The following CLCN7 variants were observed in gnomAD, a reference collection of about 807,000 sequenced individuals.
The protein encoded by CLCN7 is H(+)/Cl(-) exchange transporter 7.
A neutral mutation model predicts 102.1 loss-of-function variants in CLCN7; 60 were observed. The ratio of observed to expected loss-of-function variants is 0.59; its 90% CI spans 0.48 to 0.73. The LOEUF is 0.73. Ranked by LOEUF, CLCN7 falls within the 30% of genes least tolerant of loss-of-function variation. The probability of loss-of-function intolerance (pLI) is 0.00; values close to 1 mark genes in which losing one functional copy is unlikely to be tolerated. For synonymous variants in CLCN7, 560 were observed against 490.5 expected (o/e 1.14, Z -1.87); for missense variants, 962 against 1,125.7 (o/e 0.85, Z 2.08).
Position 1,460,800 on chromosome 16 carries a change from G to A in CLCN7, c.484+16C>T, listed in dbSNP as rs377358040. The A allele has an allele frequency of 3.8e-5, 62 of 1,613,880 alleles. No individual in the cohort carries two copies. The highest frequency in any genetic ancestry group is 3.5e-4 in the South Asian group (32 of 91,082). ...GCCCCCCTCCCAAGCTGCAGCGGCC[G>A]CACTGGGAAGGATACTGCCCTTGAT... is the stretch of plus-strand genomic sequence containing the variant. On this transcript the variant is annotated intron_variant, in intron 5 of 24. Coordinates refer to ENST00000382745, the MANE Select transcript of CLCN7 (RefSeq NM_001287.6).
intron 2 of CLCN7, among the ~76,000 whole-genome samples, chr16:1,463,257 A>T (rs1734949214): frequency 6.6e-6 from 1 of 152,238 alleles, no homozygotes; most frequent in African/African-American, 2.4e-5. Context: ...GTCAGTCGTC[A>T]TACTCTTGGG....
chr16:1,448,539 T>G lies in CLCN7; in HGVS notation c.1884-55A>C, dbSNP rs544747130. The G allele has an allele frequency of 2.5e-6, 4 of 1,603,406 alleles. No individual in the cohort carries two copies. In the African/African-American group the frequency reaches 4.0e-5, roughly 16 times the overall value. ...GTCACACGCCACCAACTCCCACAGT[T>G]ACCTCTGCGGGCTGGTGAGGTGTGA... On this transcript the variant is annotated intron_variant, in intron 20 of 24. Coordinates refer to ENST00000382745, the MANE Select transcript of CLCN7 (RefSeq NM_001287.6).
chr16:1,465,135 C>A, intron 2 of CLCN7, 132 bp downstream of exon 2: 1 of 787,526 alleles, frequency 1.3e-6, no homozygotes, highest in Non-Finnish European at 2.2e-6. Context: ...CATGTCCCCC[C>A]AAGGAAATCT....
chr16:1,474,247 T>C (rs909876174), intron 1 of CLCN7: 7 of 455,408 alleles, frequency 1.5e-5, no homozygotes, highest in African/African-American at 1.4e-4. Context: ...ACATTGCAAA[T>C]TCAACTCGGT....
At chr16:1,451,011 A>G (rs116841501) in intron 16 of CLCN7, among the ~76,000 whole-genome samples, 6,959 of 152,304 alleles carry the variant, frequency 0.046, 225 homozygotes, top group Middle Eastern at 0.19. Flanking sequence ...GGCTCCGGGA[A>G]GAGGGTGCCC....
chr16:1,458,042 C>T (rs1346324622), intron 7 of CLCN7, among the ~76,000 whole-genome samples: 2 of 132,098 alleles, frequency 1.5e-5, no homozygotes, highest in East Asian at 2.1e-4. Context: ...AGCTGGGCCG[C>T]CCACCGCATC....
rs748553467 is a variant in CLCN7, at chr16:1,456,147, C to A, written c.882G>T (p.Ala294=). 3 of 1,564,454 alleles carry A rather than the reference C, an allele frequency of 1.9e-6. No individual in the cohort carries two copies. Among genetic ancestry groups the A allele is most frequent in the Non-Finnish European group, 1.7e-6 (2 of 1,154,140 alleles). The part of the protein sequence containing the change: ...EKRDFVSAGA[A]AGVSAAFGAP... Reference sequence around the variant, plus strand: ...CTCCAAACGCCGCTGACACTCCGGCCGCAGCCCCTGCGGAGACGAAGTCCC... The same window carrying A: ...CTCCAAACGCCGCTGACACTCCGGCAGCAGCCCCTGCGGAGACGAAGTCCC... Residue 294 remains alanine (A), a synonymous_variant, in exon 10 of 25, where the codon GCG becomes GCT. Coordinates refer to ENST00000382745, the MANE Select transcript of CLCN7 (RefSeq NM_001287.6).
At position 1,445,415 on chromosome 16, in the gene CLCN7, G is replaced by A. The variant is rs1215982007; in HGVS notation, c.*1216C>T. 1 of 152,308 alleles carries A rather than the reference G, an allele frequency of 6.6e-6. No individual in the cohort carries two copies. The highest frequency in any genetic ancestry group is 1.5e-5 in the Non-Finnish European group (1 of 68,088). The allele number at this position is 152,308 out of a possible 1,614,324, so 9.4% of individuals were successfully genotyped here. A position where few individuals can be genotyped will look rare whatever the true frequency, so the allele number is the denominator to read the frequency against. ...CTTGGGGCCCTGTGAGGGCTAAGCAGGGTGGTGGCGTCAGCTCCCGGGGAG... is the reference window on the plus strand; with the variant it reads ...CTTGGGGCCCTGTGAGGGCTAAGCAAGGTGGTGGCGTCAGCTCCCGGGGAG... On this transcript the variant is annotated 3_prime_UTR_variant, in exon 25 of 25. Transcript: ENST00000382745.
rs2038636194 is a variant in CLCN7 at position 1,446,169 on chromosome 16, C to G, written c.*462G>C. 1.7e-6 allele frequency: 1 copy of G among 605,836 alleles called. No individual in the cohort carries two copies. Among genetic ancestry groups the G allele is most frequent in the East Asian group, 2.7e-5 (1 of 36,540 alleles). 37.5% of individuals were successfully genotyped at this position (605,836 alleles called of 1,614,324 possible). A position where few individuals can be genotyped will look rare whatever the true frequency, so the allele number is the denominator to read the frequency against. On this transcript the variant is annotated 3_prime_UTR_variant, in exon 25 of 25. Transcript: ENST00000382745. Reference sequence around the variant, plus strand: ...CGTCTGCTCATGGCTGAAAATGAGGCCAAGCAGCTCCCAAGTCTCGAAGAC... The same window carrying G: ...CGTCTGCTCATGGCTGAAAATGAGGGCAAGCAGCTCCCAAGTCTCGAAGAC...
At chr16:1,468,733 C>G (rs1335636655) in intron 1 of CLCN7, among the ~76,000 whole-genome samples, 1 of 129,960 alleles carries the variant, frequency 7.7e-6, no homozygotes, top group Non-Finnish European at 1.7e-5. Flanking sequence ...TAGCCTGCAC[C>G]CCCTTCCTGG....
intron 1 of CLCN7, among the ~76,000 whole-genome samples, chr16:1,472,236 G>C (rs1390743032): frequency 1.3e-5 from 2 of 152,176 alleles, no homozygotes; most frequent in African/African-American, 2.4e-5. Context: ...TAAGGGAATA[G>C]TTTTTTTATT....
At chr16:1,449,178 C>T in intron 18 of CLCN7, 85 bp from the exon 19 acceptor site, 1 of 1,589,874 alleles carries the variant, frequency 6.3e-7, no homozygotes, top group Non-Finnish European at 8.6e-7. Context: ...GCACCCATCC[C>T]ATCCACCTGC....
Position 1,461,165 on chromosome 16 carries a change from A to C in CLCN7, c.352-217T>G, listed in dbSNP as rs529062946. 1.7e-3 allele frequency among the ~76,000 whole-genome samples: 257 copies of C among 152,326 alleles called. 1 individual carries two copies. Among genetic ancestry groups the C allele is most frequent in the South Asian group, 7.5e-3 (36 of 4,826 alleles). On this transcript the variant is annotated intron_variant, in intron 4 of 24. Coordinates refer to ENST00000382745, the MANE Select transcript of CLCN7 (RefSeq NM_001287.6). ...AGGTGGGTGAATTCCCAACAACTTC[A>C]CAGCCAGCGGTTGTTATGCTGGGCA...
intron 17 of CLCN7, 134 bp from the exon 18 acceptor site, chr16:1,449,461 A>G (rs2038708233): frequency 7.7e-6 from 6 of 777,190 alleles, no homozygotes; most frequent in South Asian, 1.6e-5. Context: ...GCGTACATAC[A>G]CACAGAACAA....
At chr16:1,466,027 C>T (rs542133986) in intron 1 of CLCN7, among the ~76,000 whole-genome samples, 1 of 152,364 alleles carries the variant, frequency 6.6e-6, no homozygotes, top group East Asian at 1.9e-4. Flanking sequence ...GCCTCCTTTC[C>T]CCAAAGAGAT....
chr16:1,455,086 C>T (rs770953559), intron 12 of CLCN7, 48 bp downstream of exon 12: 13 of 1,107,544 alleles, frequency 1.2e-5, no homozygotes, highest in Non-Finnish European at 1.7e-5. Context: ...CAAACAGGGT[C>T]CTGGACCAGG....
chr16:1,460,147 T>G (rs2038910001), intron 6 of CLCN7, among the ~76,000 whole-genome samples: 2 of 147,146 alleles, frequency 1.4e-5, no homozygotes, highest in African/African-American at 2.5e-5. Flanking sequence ...GAGGGCAGAG[T>G]GAGGAGATGG....
intron 17 of CLCN7, chr16:1,450,276 G>A (rs1000097648): frequency 1.8e-6 from 1 of 569,580 alleles, no homozygotes; most frequent in Non-Finnish European, 3.2e-6. Flanking sequence ...CCTTCGCCTG[G>A]TCCAGACTCC....
Position 1,455,493 on chromosome 16 carries a change from C to G in CLCN7, c.981+238G>C, listed in dbSNP as rs575771169. The G allele has an allele frequency of 1.2e-3, 768 of 653,120 alleles. 9 individuals carry two copies. The highest frequency in any genetic ancestry group is 3.8e-4 in the Non-Finnish European group (138 of 363,704). The allele number at this position is 653,120 out of a possible 1,614,324, so 40.5% of individuals were successfully genotyped here. ...GGGAAGGTGGGGCAGGGCTGGGTTC[C>G]CGGCTGTTTGATCCCCTACCCGGGA... On this transcript the variant is annotated intron_variant, in intron 11 of 24. Transcript: ENST00000382745.
Sources: gnomAD v4.1 joint callset for allele counts (sites outside exome capture counted in the v4.1 genomes callset) on GRCh38, gnomAD v4.1.1 for gene constraint, MANE v1.5 for transcripts, NCBI Gene and HGNC (gene_info 2026-07-23, HGNC 2026-07-21) for gene names.